Variants in ZNF90 observed in about 807,000 individuals in gnomAD.
ZNF90 encodes zinc finger protein 90.
ZNF90 carries 11 observed loss-of-function variants against 12.0 expected under a neutral mutation model. The observed-to-expected ratio is 0.92, with a 90% CI of 0.58 to 1.52. The LOEUF is 1.52. Ranked by LOEUF, ZNF90 falls within the 40% of genes most tolerant of loss-of-function variation. ZNF90 has a pLI of 0.00. For missense variants in ZNF90, 765 were observed against 711.5 expected (o/e 1.08, Z -0.86); for synonymous variants, 232 against 240.1 (o/e 0.97, Z 0.31).
At chr19:20,096,282 CAG>C (rs1415972332) in intron 1 of ZNF90, among the ~76,000 whole-genome samples, 1 of 152,168 alleles carries the variant, frequency 6.6e-6, no homozygotes, top group East Asian at 1.9e-4. Context: ...GAACAGAGGA[CAG>C]GGGATTGATC....
intron 1 of ZNF90, among the ~76,000 whole-genome samples, chr19:20,095,304 T>C (rs2088934588): frequency 6.6e-6 from 1 of 152,128 alleles, no homozygotes; most frequent in South Asian, 2.1e-4. Context: ...AAATCGAAAG[T>C]GCCGTTTTCT....
chr19:20,083,759 TA>T (rs1310828714), intron 1 of ZNF90, among the ~76,000 whole-genome samples: 2 of 152,250 alleles, frequency 1.3e-5, no homozygotes, highest in African/African-American at 4.8e-5. Flanking sequence ...CTAAATCTTT[TA>T]TTTTTGGAGA....
chr19:20,078,945 CCT>C (rs2088799443), intron 1 of ZNF90, among the ~76,000 whole-genome samples: 1 of 151,872 alleles, frequency 6.6e-6, no homozygotes, highest in African/African-American at 2.4e-5. Context: ...CGTGGTGAAA[CCT>C]CTCTCTACTA....
At chr19:20,103,745 T>A (rs113295147) in intron 1 of ZNF90, among the ~76,000 whole-genome samples, 1 of 152,164 alleles carries the variant, frequency 6.6e-6, no homozygotes, top group African/African-American at 2.4e-5. Context: ...AATATCCTTC[T>A]TGGGCCAAAA....
In ZNF90 at chr19:20,118,696, CCTCA is replaced by C; in HGVS notation, c.1146_1149del (p.Leu383PhefsTer6). On this transcript the variant is annotated frameshift_variant, in exon 4 of 4. Coordinates refer to ENST00000418063, the MANE Select transcript of ZNF90 (RefSeq NM_007138.2). LOFTEE classifies it low-confidence loss of function (END_TRUNC). ...AAATGTGGCAAAGCATTTATTTCAT[CCTCA>C]CTCCTTTATAAACATAAGATAAGTC... 2 of 1,565,612 alleles carry C rather than the reference CCTCA, an allele frequency of 1.3e-6. No homozygotes were observed. The highest frequency in any genetic ancestry group is 1.2e-5 in the South Asian group (1 of 84,926).
At chr19:20,093,067 C>T (rs368685327) in intron 1 of ZNF90, among the ~76,000 whole-genome samples, 8 of 152,092 alleles carry the variant, frequency 5.3e-5, no homozygotes, top group Non-Finnish European at 1.2e-4. Context: ...GAGGCTGGGA[C>T]GAGGGGTGCA....
chr19:20,081,015 C>T (rs1359701691), intron 1 of ZNF90, among the ~76,000 whole-genome samples: 2 of 152,126 alleles, frequency 1.3e-5, no homozygotes, highest in Non-Finnish European at 2.9e-5. Flanking sequence ...GATCTTCTCC[C>T]AGGGTGACAG....
chr19:20,114,752 G>A (rs1359409267), intron 3 of ZNF90, among the ~76,000 whole-genome samples: 12 of 151,930 alleles, frequency 7.9e-5, no homozygotes, highest in African/African-American at 2.9e-4. Flanking sequence ...GTATCCTGAT[G>A]TTGTTGAGGA....
intron 1 of ZNF90, among the ~76,000 whole-genome samples, chr19:20,089,217 T>G (rs570658260): frequency 1.3e-5 from 2 of 152,256 alleles, no homozygotes; most frequent in East Asian, 3.9e-4. Context: ...TCATGGTGTA[T>G]GAGAAAACAT....
intron 1 of ZNF90, among the ~76,000 whole-genome samples, chr19:20,101,302 A>G (rs2088988221): frequency 6.6e-6 from 1 of 152,190 alleles, no homozygotes; most frequent in Non-Finnish European, 1.5e-5. Context: ...TAATAGAATT[A>G]TAAGACTCAC....
chr19:20,117,373 TTTTCC>T (rs1314209402), intron 3 of ZNF90, among the ~76,000 whole-genome samples: 1 of 149,234 alleles, frequency 6.7e-6, no homozygotes, highest in Non-Finnish European at 1.5e-5. Flanking sequence ...CTTTTCTTTT[TTTTCC>T]TTTCTTTTCT....
chr19:20,102,877 CTAAATGACGCCTACT>C (rs1555704017), intron 1 of ZNF90, among the ~76,000 whole-genome samples: 2 of 152,174 alleles, frequency 1.3e-5, no homozygotes, highest in African/African-American at 4.8e-5. Context: ...CTCTAGGGTG[CTAAATGACGCCTACT>C]TAAAATTCCT....
chr19:20,118,949 C>T lies in ZNF90; in HGVS notation c.1395C>T (p.Ser465=), dbSNP rs893382717. The part of the protein sequence containing the change: ...CEECGKAFKR[S]SNLTTHKISH... The stretch of plus-strand genomic sequence containing the variant: ...AATGTGGCAAAGCCTTCAAGCGCTC[C>T]TCAAACCTTACTACACATAAGATAA... Residue 465 remains serine (S), a synonymous_variant, in exon 4 of 4, where the codon TCC becomes TCT. Coordinates refer to ENST00000418063, the MANE Select transcript of ZNF90 (RefSeq NM_007138.2). The T allele has an allele frequency of 1.2e-6, 2 of 1,612,594 alleles. No individual in the cohort carries two copies. Among genetic ancestry groups the T allele is most frequent in the Non-Finnish European group, 8.5e-7 (1 of 1,179,290 alleles).
At chr19:20,094,920 G>T (rs1440389635) in intron 1 of ZNF90, among the ~76,000 whole-genome samples, 1 of 152,198 alleles carries the variant, frequency 6.6e-6, no homozygotes, top group African/African-American at 2.4e-5. Flanking sequence ...TGTTGGGCAG[G>T]TGGGGAAGAG....
chr19:20,112,233 ATTT>A (rs35771879), intron 3 of ZNF90, among the ~76,000 whole-genome samples: 2 of 137,470 alleles, frequency 1.5e-5, no homozygotes, highest in African/African-American at 2.7e-5. Context: ...AATAATTTTG[ATTT>A]TTTTTTTTTT....
chr19:20,102,734 A>G (rs2088999584), intron 1 of ZNF90, among the ~76,000 whole-genome samples: 1 of 152,140 alleles, frequency 6.6e-6, no homozygotes, highest in South Asian at 2.1e-4. Context: ...GTTAAGATGG[A>G]GAATATGTCA....
chr19:20,121,141 TAATAA>T lies in ZNF90; in HGVS notation c.*1786_*1790del, dbSNP rs1282035105. 4.9e-6 allele frequency: 1 copy of T among 202,274 alleles called. No homozygotes were observed. The highest frequency in any genetic ancestry group is 1.1e-5 in the Non-Finnish European group (1 of 94,064). 12.5% of individuals were successfully genotyped at this position (202,274 alleles called of 1,614,324 possible). Reference sequence around the variant, plus strand: ...ACTGTATTATTTTACTAATTTTATGTAATAAAATACACTACATTAAAAAATTGTTA... The same window carrying T: ...ACTGTATTATTTTACTAATTTTATGTAATACACTACATTAAAAAATTGTTA... On this transcript the variant is annotated 3_prime_UTR_variant, in exon 4 of 4. Transcript: ENST00000418063.
At chr19:20,085,268 C>CTTTTTTTTTTTCTTTTTTT (rs56068843) in intron 1 of ZNF90, among the ~76,000 whole-genome samples, 30 of 135,576 alleles carry the variant, frequency 2.2e-4, no homozygotes, top group African/African-American at 8.8e-4. Flanking sequence ...TTGCATTGGT[C>CTTTTTTTTTTTCTTTTTTT]TTTTTTTTTT....
In ZNF90 at chr19:20,091,037, G is replaced by T. The variant is rs540654450; in HGVS notation, c.3+12902G>T. On this transcript the variant is annotated intron_variant, in intron 1 of 3. Coordinates refer to ENST00000418063, the MANE Select transcript of ZNF90 (RefSeq NM_007138.2). Reference sequence around the variant, plus strand: ...TGGTCCGTTATCAGACTGTATAGAGGTGGGAAGGCCAAACCGAGGAATTAT... The same window carrying T: ...TGGTCCGTTATCAGACTGTATAGAGTTGGGAAGGCCAAACCGAGGAATTAT... 1.5e-3 allele frequency among the ~76,000 whole-genome samples: 225 copies of T among 152,264 alleles called. 1 individual carries two copies. Among genetic ancestry groups the T allele is most frequent in the African/African-American group, 4.9e-3 (205 of 41,550 alleles).
Sources: gnomAD v4.1 joint callset for allele counts (sites outside exome capture counted in the v4.1 genomes callset) on GRCh38, gnomAD v4.1.1 for gene constraint, MANE v1.5 for transcripts, NCBI Gene and HGNC (gene_info 2026-07-23, HGNC 2026-07-21) for gene names.